Variants in HIVEP1 observed in about 807,000 individuals in gnomAD.
The protein encoded by HIVEP1 is zinc finger protein 40.
In HIVEP1, 36 loss-of-function variants were observed where a neutral mutation model predicts 180.0. The ratio of observed to expected loss-of-function variants is 0.20; its 90% CI spans 0.15 to 0.26. HIVEP1 has a LOEUF of 0.26. Ranked by LOEUF, HIVEP1 falls within the 10% of genes least tolerant of loss-of-function variation. The pLI, the probability that HIVEP1 is intolerant of heterozygous loss-of-function variation, is 1.00. For missense variants in HIVEP1, 3,143 were observed against 3,268.7 expected (o/e 0.96, Z 0.94); for synonymous variants, 1,239 against 1,239.0 (o/e 1.00, Z 0.00).
chr6:12,205,179 T>C, the HIVEP1 span, among the ~76,000 whole-genome samples: 7 of 152,164 alleles, frequency 4.6e-5, 1 homozygote, highest in South Asian at 1.0e-3. Flanking sequence ...GTAAAAAAAT[T>C]TGAACAAAGC....
At chr6:12,190,205 T>C in the HIVEP1 span, among the ~76,000 whole-genome samples, 3 of 152,242 alleles carry the variant, frequency 2.0e-5, no homozygotes, top group African/African-American at 7.2e-5. Context: ...ATCTTCACTC[T>C]ATTTATAAAA....
intron 2 of HIVEP1, among the ~76,000 whole-genome samples, chr6:12,073,701 G>A (rs1420250527): frequency 2.0e-5 from 3 of 152,158 alleles, no homozygotes; most frequent in Admixed American, 2.0e-4. Context: ...GTTATTAGAA[G>A]GAGGGTTAGT....
At chr6:12,116,348 T>C (rs746187569) in intron 3 of HIVEP1, among the ~76,000 whole-genome samples, 15 of 152,146 alleles carry the variant, frequency 9.9e-5, no homozygotes, top group Non-Finnish European at 1.9e-4. Flanking sequence ...CCTGATGGTT[T>C]AGCTGCCCAC....
Position 12,121,724 on chromosome 6 carries a change from C to G in HIVEP1, c.1929C>G (p.His643Gln), listed in dbSNP as rs776760535. Reference sequence around the variant, plus strand: ...AAGACTCTCACGTAGGAACGGTACACGCCCAGCTACAAAGGCAGCAGGCTA... The same window carrying G: ...AAGACTCTCACGTAGGAACGGTACAGGCCCAGCTACAAAGGCAGCAGGCTA... Reference protein sequence around the residue: ...GKQDSHVGTVHAQLQRQQATD... With the variant: ...GKQDSHVGTVQAQLQRQQATD... The change falls in exon 4 of 9, where the codon CAC becomes CAG. Residue 643 changes from histidine to glutamine, a missense_variant. This residue lies in a region of HIVEP1 where 365 missense variants were observed against 344.4 expected (regional missense o/e 1.06). Coordinates refer to ENST00000379388, the MANE Select transcript of HIVEP1 (RefSeq NM_002114.4). The surrounding 1 kb of genome is among the most constrained non-coding windows in gnomAD (Gnocchi z 5.3). 5 of 1,614,052 alleles carry G rather than the reference C, an allele frequency of 3.1e-6. No homozygotes were observed. Among genetic ancestry groups the G allele is most frequent in the Non-Finnish European group, 4.2e-6 (5 of 1,180,026 alleles).
chr6:12,142,016 G>A (rs1215601090), intron 7 of HIVEP1, among the ~76,000 whole-genome samples: 6 of 152,090 alleles, frequency 3.9e-5, no homozygotes, highest in East Asian at 1.9e-4. Flanking sequence ...CTTGAACTCC[G>A]CTCTGCACCA....
At chr6:12,099,762 CAG>C (rs1774002208) in intron 3 of HIVEP1, among the ~76,000 whole-genome samples, 1 of 151,804 alleles carries the variant, frequency 6.6e-6, no homozygotes, top group South Asian at 2.1e-4. Flanking sequence ...GTAGAGGTGT[CAG>C]AAAGGATGGA....
intron 2 of HIVEP1, among the ~76,000 whole-genome samples, chr6:12,052,866 A>G (rs1581586814): frequency 2.0e-5 from 3 of 152,378 alleles, no homozygotes; most frequent in Non-Finnish European, 4.4e-5. Context: ...TGATAAAACA[A>G]TCATTCCTGT....
intron 7 of HIVEP1, among the ~76,000 whole-genome samples, chr6:12,143,192 C>T (rs1759156534): frequency 6.6e-6 from 1 of 152,200 alleles, no homozygotes; most frequent in African/African-American, 2.4e-5. Context: ...CCACCATGAT[C>T]AAGTCGGCTT....
At chr6:12,143,178 T>G (rs990990108) in intron 7 of HIVEP1, among the ~76,000 whole-genome samples, 1 of 152,168 alleles carries the variant, frequency 6.6e-6, no homozygotes, top group Non-Finnish European at 1.5e-5. Flanking sequence ...ATCTAAAAGT[T>G]TATCCACCAT....
In HIVEP1 at chr6:12,163,427, T is replaced by C. The variant is rs534371454; in HGVS notation, c.7123T>C (p.Ser2375Pro). The change falls in exon 9 of 9, where the codon TCT becomes CCT. Residue 2375 changes from serine (S) to proline (P), a missense_variant. Around this residue, in one of 12 missense-constraint regions of HIVEP1, gnomAD observed 595 missense variants for 602.2 expected, o/e 0.99. Transcript: ENST00000379388. The stretch of plus-strand genomic sequence containing the variant: ...TCTACAGCCGACTCCAGGCTTGCCT[T>C]CTCCCCACACTCATTTGTTTAGCCA... ...ITLQPTPGLP[S>P]PHTHLFSHLP... 5 of 1,614,142 alleles carry C rather than the reference T, an allele frequency of 3.1e-6. No homozygotes were observed. The Admixed American group carries it at 8.3e-5, about 27-fold the overall frequency.
At chr6:12,102,240 T>C (rs1399624218) in intron 3 of HIVEP1, among the ~76,000 whole-genome samples, 1 of 152,162 alleles carries the variant, frequency 6.6e-6, no homozygotes, top group Admixed American at 6.5e-5. Flanking sequence ...CTACCAACAC[T>C]GTAAGCCAAG....
intron 7 of HIVEP1, among the ~76,000 whole-genome samples, chr6:12,140,800 G>A (rs1423299891): frequency 3.3e-5 from 5 of 152,152 alleles, no homozygotes; most frequent in East Asian, 1.9e-4. Context: ...GAAATAAAGC[G>A]AGAAGAGAAG....
intron 3 of HIVEP1, among the ~76,000 whole-genome samples, chr6:12,116,190 C>G (rs1402927058): frequency 1.3e-5 from 2 of 151,906 alleles, no homozygotes; most frequent in East Asian, 1.9e-4. Context: ...TCCAGTCACT[C>G]TTTAATAGAT....
chr6:12,124,582 T>G lies in HIVEP1; in HGVS notation c.4787T>G (p.Val1596Gly). 2 of 1,614,144 alleles carry G rather than the reference T, an allele frequency of 1.2e-6. No individual in the cohort carries two copies. The highest frequency in any genetic ancestry group is 4.5e-5 in the East Asian group (2 of 44,892). ...ISDPVGTDHCVTSATLPTKLI... is the reference protein window; with the variant it reads ...ISDPVGTDHCGTSATLPTKLI... The stretch of plus-strand genomic sequence containing the variant: ...GATCCAGTTGGAACAGATCATTGTG[T>G]GACATCAGCAACATTACCAACCAAA... The change falls in exon 4 of 9, where the codon GTG becomes GGG. Residue 1596 changes from valine (V) to glycine (G), a missense_variant. Physicochemically the swap from Val to Gly is moderately radical, Grantham distance 109 (BLOSUM62 -3). Coordinates refer to ENST00000379388, the MANE Select transcript of HIVEP1 (RefSeq NM_002114.4).
chr6:12,124,333 A>C lies in HIVEP1; in HGVS notation c.4538A>C (p.Asn1513Thr). Reference sequence around the variant, plus strand: ...CCTGTTCAACAGCTCTGTGATATCAATTTGTTAAATCAAATCCATGCACCG... The same window carrying C: ...CCTGTTCAACAGCTCTGTGATATCACTTTGTTAAATCAAATCCATGCACCG... ...VFPVQQLCDI[N>T]LLNQIHAPPS... Residue 1513 changes from asparagine to threonine, a missense_variant, in exon 4 of 9, where the codon AAT becomes ACT. By Grantham distance (65) the Asn-to-Thr change is moderately conservative. This residue lies in a region of HIVEP1 where 1,357 missense variants were observed against 1,260.5 expected (regional missense o/e 1.08). Coordinates refer to ENST00000379388, the MANE Select transcript of HIVEP1 (RefSeq NM_002114.4). 6.2e-7 allele frequency: 1 copy of C among 1,614,048 alleles called. No homozygotes were observed. Among genetic ancestry groups the C allele is most frequent in the Non-Finnish European group, 8.5e-7 (1 of 1,179,974 alleles).
chr6:12,155,909 G>T (rs1760010425), intron 7 of HIVEP1, among the ~76,000 whole-genome samples: 2 of 152,114 alleles, frequency 1.3e-5, no homozygotes, highest in South Asian at 4.1e-4. Context: ...AACCTCTCCA[G>T]CATCTGTTAT....
the HIVEP1 span, among the ~76,000 whole-genome samples, chr6:12,180,964 A>T: frequency 6.6e-6 from 1 of 152,238 alleles, no homozygotes; most frequent in African/African-American, 2.4e-5. Flanking sequence ...GGTCAGTTTC[A>T]TAGGTCAACA....
intron 3 of HIVEP1, 100 bp downstream of exon 3, chr6:12,089,337 A>G (rs1419550961): frequency 1.6e-6 from 1 of 640,614 alleles, no homozygotes; most frequent in African/African-American, 1.9e-5. Flanking sequence ...GTATAGACAT[A>G]TCACAAAATT....
upstream of HIVEP1, among the ~76,000 whole-genome samples, chr6:12,011,524 A>T (rs1191134644): frequency 2.3e-5 from 3 of 128,906 alleles, no homozygotes; most frequent in Non-Finnish European, 3.3e-5. Flanking sequence ...CTGGTTCCCC[A>T]GGCGTCGCGA....
Sources: allele counts gnomAD v4.1 joint callset (sites outside exome capture counted in the v4.1 genomes callset), GRCh38; gene constraint gnomAD v4.1.1; regional missense constraint gnomAD v4.1.1; non-coding constraint Gnocchi (gnomAD v3.1); transcripts MANE v1.5; gene names NCBI Gene and HGNC (gene_info 2026-07-23, HGNC 2026-07-21).